The following ZBED6 variants were observed in gnomAD, a reference collection of about 807,000 sequenced individuals.
ZBED6 encodes zinc finger BED domain-containing protein 6.
ZBED6 carries 40 observed loss-of-function variants against 58.4 expected under a neutral mutation model. The ratio of observed to expected loss-of-function variants is 0.68; its 90% CI spans 0.53 to 0.89. ZBED6 has a LOEUF of 0.89. ZBED6 is among the 40% of genes least tolerant of loss of function. The pLI is 0.00. For missense variants in ZBED6, 1,057 were observed against 1,003.9 expected (o/e 1.05, Z -0.71); for synonymous variants, 439 against 350.6 (o/e 1.25, Z -2.82).
intron 9 of ZBED6, among the ~76,000 whole-genome samples, chr1:203,836,556 T>C (rs957904166): frequency 8.5e-5 from 13 of 152,324 alleles, no homozygotes; most frequent in African/African-American, 3.1e-4. Flanking sequence ...GAGACCGGCC[T>C]GATCAACATG....
intron 4 of ZBED6, among the ~76,000 whole-genome samples, chr1:203,828,840 A>G (rs1681378984): frequency 6.6e-6 from 1 of 152,200 alleles, no homozygotes. Flanking sequence ...TTGAGACAGA[A>G]ACCATATGGC....
intron 11 of ZBED6, among the ~76,000 whole-genome samples, chr1:203,843,270 A>G (rs1686977898): frequency 6.6e-6 from 1 of 152,176 alleles, no homozygotes; most frequent in Non-Finnish European, 1.5e-5. Context: ...GATTCAGTAA[A>G]TACATAAATA....
exon 14 of ZBED6, chr1:203,849,813 T>C (rs769318201): frequency 1.9e-6 from 3 of 1,613,790 alleles, no homozygotes. Flanking sequence ...GAGGGAAAAA[T>C]CAGTCTTGAC....
chr1:203,829,388 A>G, intron 4 of ZBED6, 63 bp from the exon 5 acceptor site: 1 of 1,560,808 alleles, frequency 6.4e-7, no homozygotes, highest in Non-Finnish European at 8.8e-7. Context: ...GGTGGTCAGG[A>G]ATTTTTGGTA....
intron 10 of ZBED6, among the ~76,000 whole-genome samples, chr1:203,838,684 G>T (rs1685120366): frequency 6.6e-6 from 1 of 152,042 alleles, no homozygotes; most frequent in African/African-American, 2.4e-5. Context: ...GGCACGGTAG[G>T]TCATGCCTGT....
chr1:203,846,169 G>A (rs1020563611), intron 11 of ZBED6, among the ~76,000 whole-genome samples: 1 of 145,014 alleles, frequency 6.9e-6, no homozygotes, highest in East Asian at 2.0e-4. Context: ...TTGGGGGGGG[G>A]GTTCATTAAA....
At chr1:203,800,145 T>C in exon 1 of ZBED6, 1 of 1,535,842 alleles carries the variant, frequency 6.5e-7, no homozygotes, top group South Asian at 1.2e-5. Flanking sequence ...CAAAGAGAAG[T>C]ATTCAGAGTT....
At chr1:203,824,493 T>C (rs1332315406) in intron 3 of ZBED6, among the ~76,000 whole-genome samples, 1 of 152,118 alleles carries the variant, frequency 6.6e-6, no homozygotes, top group Non-Finnish European at 1.5e-5. Flanking sequence ...CTTGCTAAAA[T>C]TTATAACCCC....
chr1:203,835,683 G>A, intron 9 of ZBED6: 1 of 247,226 alleles, frequency 4.0e-6, no homozygotes, highest in Non-Finnish European at 8.7e-6. Context: ...GTTTCCATGG[G>A]CTTGAGTTAC....
rs201856552 is a variant in ZBED6, at chr1:203,833,859, A to T, written c.*3573+6A>T. ...GAAACGAAAATTTTCAGCAGGTAAG[A>T]TAAGTTTTGTGTATATCTTTTCTTT... On this transcript the variant is annotated splice_donor_region_variant and intron_variant, in intron 9 of 16. Transcript: ENST00000550078. 129 of 1,608,560 alleles carry T rather than the reference A, an allele frequency of 8.0e-5. No homozygotes were observed. In the Middle Eastern group the frequency reaches 1.3e-3, roughly 17 times the overall value.
At chr1:203,831,950 C>T (rs547368471) in intron 8 of ZBED6, among the ~76,000 whole-genome samples, 179 bp downstream of exon 8, 5 of 152,302 alleles carry the variant, frequency 3.3e-5, no homozygotes, top group Non-Finnish European at 7.4e-5. Flanking sequence ...GGTTGAAATT[C>T]TTTGTCAAGC....
At chr1:203,850,439 A>G (rs538792836) in intron 14 of ZBED6, 76 bp from the exon 15 acceptor site, 5 of 1,567,174 alleles carry the variant, frequency 3.2e-6, no homozygotes, top group Non-Finnish European at 4.4e-6. Flanking sequence ...AGGAGTTTTG[A>G]TATTTTATTC....
At chr1:203,829,535 A>C in exon 5 of ZBED6, 1 of 1,614,070 alleles carries the variant, frequency 6.2e-7, no homozygotes, top group South Asian at 1.1e-5. Context: ...TTGTCTGTCC[A>C]GTCCAATCCT....
chr1:203,821,277 C>G (rs557103430), intron 3 of ZBED6, among the ~76,000 whole-genome samples: 1 of 152,226 alleles, frequency 6.6e-6, no homozygotes, highest in Admixed American at 6.5e-5. Context: ...TTCCTGAAGC[C>G]TCCCCAGCCA....
intron 11 of ZBED6, among the ~76,000 whole-genome samples, chr1:203,846,115 CAAAAAAAAAA>C (rs34793133): frequency 1.9e-5 from 1 of 53,182 alleles, no homozygotes. Context: ...TCGTCTTTAC[CAAAAAAAAAA>C]AAAAAAAAAA....
chr1:203,831,325 G>C (rs1321487790), intron 7 of ZBED6, among the ~76,000 whole-genome samples: 2 of 152,032 alleles, frequency 1.3e-5, no homozygotes. Flanking sequence ...AATAGAATAG[G>C]TTGGATTGAT....
intron 9 of ZBED6, among the ~76,000 whole-genome samples, chr1:203,834,289 G>A (rs1420522522): frequency 6.6e-6 from 1 of 152,066 alleles, no homozygotes; most frequent in Non-Finnish European, 1.5e-5. Context: ...TATTTATTTA[G>A]AGACAAGAGT....
At chr1:203,820,421 C>T (rs1678173457) in intron 3 of ZBED6, among the ~76,000 whole-genome samples, 1 of 148,022 alleles carries the variant, frequency 6.8e-6, no homozygotes, top group Non-Finnish European at 1.5e-5. Context: ...TATTCCCCCT[C>T]ATTACTAAAT....
chr1:203,819,060 T>C (rs1677322540), intron 3 of ZBED6, among the ~76,000 whole-genome samples: 2 of 119,704 alleles, frequency 1.7e-5, no homozygotes, highest in Non-Finnish European at 3.4e-5. Flanking sequence ...AGAGCAACAC[T>C]CCGTCTCAAA....
Sources: gnomAD v4.1 joint callset for allele counts (sites outside exome capture counted in the v4.1 genomes callset) on GRCh38, gnomAD v4.1.1 for gene constraint, MANE v1.5 for transcripts, NCBI Gene and HGNC (gene_info 2026-07-23, HGNC 2026-07-21) for gene names.